TSNARE1: variants seen among roughly 807,000 people sequenced by gnomAD.
TSNARE1 encodes the protein t-SNARE domain-containing protein 1.
A neutral mutation model predicts 62.0 loss-of-function variants in TSNARE1; 49 were observed. The ratio of observed to expected loss-of-function variants is 0.79; its 90% CI spans 0.63 to 1.00. The LOEUF (loss-of-function observed/expected upper bound fraction) is 1.00, where lower values mean the gene tolerates loss of function less well. TSNARE1 is among the 50% of genes least tolerant of loss of function. TSNARE1 has a pLI of 0.00. For missense variants in TSNARE1, 755 were observed against 700.1 expected (o/e 1.08, Z -0.88); for synonymous variants, 328 against 294.4 (o/e 1.11, Z -1.17).
intron 11 of TSNARE1, chr8:142,280,004 C>A: frequency 1.7e-6 from 2 of 1,191,994 alleles, no homozygotes; most frequent in South Asian, 3.1e-5. Flanking sequence ...CCTCGCAGGT[C>A]CCGCCACTTG....
chr8:142,324,029 G>A (rs778420598), intron 6 of TSNARE1, among the ~76,000 whole-genome samples: 4 of 152,228 alleles, frequency 2.6e-5, no homozygotes, highest in African/African-American at 9.6e-5. Flanking sequence ...GTGAGGCAGA[G>A]AAGGCTGGAA....
chr8:142,253,320 C>T (rs79141160), intron 12 of TSNARE1, among the ~76,000 whole-genome samples: 6,080 of 152,308 alleles, frequency 0.04, 142 homozygotes, highest in South Asian at 0.072. Flanking sequence ...GCGTGCGTGC[C>T]GCGTCTGCAC....
intron 12 of TSNARE1, among the ~76,000 whole-genome samples, chr8:142,269,173 C>T (rs977057609): frequency 3.9e-5 from 6 of 152,142 alleles, no homozygotes; most frequent in African/African-American, 1.4e-4. Context: ...AGGGCTGGGG[C>T]CAGAGCTTAG....
At chr8:142,270,197 C>A (rs894000809) in intron 12 of TSNARE1, 1 of 985,238 alleles carries the variant, frequency 1.0e-6, no homozygotes, top group African/African-American at 1.7e-5. Flanking sequence ...CGCGCAGGGA[C>A]TGGAGATGTG....
intron 13 of TSNARE1, among the ~76,000 whole-genome samples, chr8:142,222,162 TCATC>T (rs200111934): frequency 7.0e-6 from 1 of 142,324 alleles, no homozygotes; most frequent in Non-Finnish European, 1.5e-5. Context: ...ACTCATCCAC[TCATC>T]CACTCACTCA....
At chr8:142,330,451 A>G (rs894623975) in intron 6 of TSNARE1, among the ~76,000 whole-genome samples, 1 of 152,212 alleles carries the variant, frequency 6.6e-6, no homozygotes, top group Non-Finnish European at 1.5e-5. Flanking sequence ...CAGAAGCAAG[A>G]TCGGACGCCC....
At chr8:142,393,463 T>C (rs984644717) in intron 1 of TSNARE1, among the ~76,000 whole-genome samples, 4 of 152,282 alleles carry the variant, frequency 2.6e-5, no homozygotes, top group African/African-American at 9.6e-5. Context: ...GTCCTCGTTC[T>C]GCACAAAGCT....
intron 6 of TSNARE1, among the ~76,000 whole-genome samples, chr8:142,328,163 T>TA (rs558568842): frequency 2.6e-4 from 38 of 143,486 alleles, no homozygotes; most frequent in East Asian, 1.5e-3. Flanking sequence ...TAATAGTTTT[T>TA]TAAAAAAAAA....
chr8:142,345,161 G>A (rs376973267), intron 3 of TSNARE1, among the ~76,000 whole-genome samples: 2 of 152,214 alleles, frequency 1.3e-5, no homozygotes, highest in African/African-American at 2.4e-5. Context: ...GCTCACAGAC[G>A]AGCTTTTTCA....
At chr8:142,358,278 A>AG (rs11377372) in intron 1 of TSNARE1, among the ~76,000 whole-genome samples, 5 of 75,602 alleles carry the variant, frequency 6.6e-5, no homozygotes, top group African/African-American at 1.3e-4. Context: ...TTTCAGGACA[A>AG]GGGGAGCAGC....
chr8:142,330,223 C>T (rs890433601), intron 6 of TSNARE1, among the ~76,000 whole-genome samples: 1 of 152,228 alleles, frequency 6.6e-6, no homozygotes, highest in African/African-American at 2.4e-5. Context: ...AAAGTATAGA[C>T]TGCTAGCGTC....
intron 12 of TSNARE1, among the ~76,000 whole-genome samples, chr8:142,240,863 T>C (rs1786099791): frequency 6.6e-6 from 1 of 152,168 alleles, no homozygotes. Flanking sequence ...ATTTATAGGC[T>C]CTAGATGCTT....
intron 13 of TSNARE1, among the ~76,000 whole-genome samples, chr8:142,229,017 TGATGGATGGATG>T (rs749236436): frequency 1.4e-4 from 20 of 144,962 alleles, no homozygotes; most frequent in Admixed American, 6.1e-4. Flanking sequence ...GTGGATGAGT[TGATGGATGGATG>T]GATGGATGGG....
At chr8:142,382,089 A>G (rs1027449811) in intron 1 of TSNARE1, among the ~76,000 whole-genome samples, 14 of 152,138 alleles carry the variant, frequency 9.2e-5, no homozygotes, top group Non-Finnish European at 1.8e-4. Context: ...AGCCCTGTGC[A>G]GCCTCCGTGT....
intron 7 of TSNARE1, 62 bp from the exon 8 acceptor site, chr8:142,315,154 C>A: frequency 6.5e-7 from 1 of 1,538,220 alleles, no homozygotes; most frequent in Admixed American, 1.7e-5. Flanking sequence ...CAGCCCCCAC[C>A]ACCCACACCT....
At chr8:142,359,761 C>T (rs1835018642) in intron 1 of TSNARE1, among the ~76,000 whole-genome samples, 1 of 152,200 alleles carries the variant, frequency 6.6e-6, no homozygotes, top group Non-Finnish European at 1.5e-5. Context: ...CTTATAACCC[C>T]ATTCAAGAAG....
intron 1 of TSNARE1, among the ~76,000 whole-genome samples, chr8:142,371,417 A>G (rs1265769319): frequency 6.6e-6 from 1 of 152,188 alleles, no homozygotes; most frequent in Non-Finnish European, 1.5e-5. Flanking sequence ...GGCGGTGAAA[A>G]TGTCCGGTGT....
At chr8:142,222,055 A>G (rs972333492) in intron 13 of TSNARE1, among the ~76,000 whole-genome samples, 1 of 143,120 alleles carries the variant, frequency 7.0e-6, no homozygotes, top group African/African-American at 2.6e-5. Context: ...CCACTCACTC[A>G]CTCACTGATT....
intron 12 of TSNARE1, among the ~76,000 whole-genome samples, chr8:142,261,696 T>C (rs1339707602): frequency 6.6e-6 from 1 of 152,108 alleles, no homozygotes; most frequent in East Asian, 1.9e-4. Context: ...ATTATTCTCC[T>C]TTAACGATTG....
Sources: gnomAD v4.1 joint callset for allele counts (sites outside exome capture counted in the v4.1 genomes callset) on GRCh38, gnomAD v4.1.1 for gene constraint, MANE v1.5 for transcripts, NCBI Gene and HGNC (gene_info 2026-07-23, HGNC 2026-07-21) for gene names.